The following PDE1A variants were observed in gnomAD, a reference collection of about 807,000 sequenced individuals.
PDE1A encodes the protein phosphodiesterase 1A.
A neutral mutation model predicts 61.7 loss-of-function variants in PDE1A; 35 were observed. That is an observed-to-expected ratio of 0.57 (90% CI 0.43 to 0.75). The LOEUF is 0.75. PDE1A is among the 30% of genes least tolerant of loss of function. The probability of loss-of-function intolerance (pLI) is 0.00; values close to 1 mark genes in which losing one functional copy is unlikely to be tolerated. For synonymous variants in PDE1A, 232 were observed against 213.2 expected (o/e 1.09, Z -0.77); for missense variants, 597 against 630.6 (o/e 0.95, Z 0.57).
rs115689819 is a variant in PDE1A, at chr2:182,187,511, G to C, written c.1208-923C>G. ...AATATAGGAGAATAGCTGGAGGTAG[G>C]CTTTTTAAGTGATAATGTCCTGTAA... On this transcript the variant is annotated intron_variant, in intron 11 of 13. Transcript: ENST00000351439. Among the ~76,000 whole-genome samples, 6 of 152,144 alleles carry C rather than the reference G, an allele frequency of 3.9e-5. No homozygotes were observed. The South Asian group carries it at 1.2e-3, about 32-fold the overall frequency.
At chr2:182,697,219 A>G in the PDE1A span, among the ~76,000 whole-genome samples, 20 of 152,152 alleles carry the variant, frequency 1.3e-4, no homozygotes, top group African/African-American at 3.9e-4. Context: ...AGGCAGGAGC[A>G]CTCAACGGCA....
At chr2:182,649,528 G>A in the PDE1A span, among the ~76,000 whole-genome samples, 21 of 151,704 alleles carry the variant, frequency 1.4e-4, no homozygotes, top group African/African-American at 4.8e-4. Context: ...CCAGCACTTT[G>A]GGAGGCCAAG....
the PDE1A span, among the ~76,000 whole-genome samples, chr2:182,611,007 C>T: frequency 6.6e-6 from 1 of 152,168 alleles, no homozygotes; most frequent in Non-Finnish European, 1.5e-5. Context: ...TTTGACTCCT[C>T]ATTTGTCGTC....
chr2:182,628,782 G>C, the PDE1A span, among the ~76,000 whole-genome samples: 2 of 151,792 alleles, frequency 1.3e-5, no homozygotes, highest in East Asian at 1.9e-4. Context: ...TTCATTGTTT[G>C]CTTGGCCATC....
chr2:182,683,522 A>G, the PDE1A span, among the ~76,000 whole-genome samples: 763 of 152,342 alleles, frequency 5.0e-3, 11 homozygotes, highest in African/African-American at 0.018. Flanking sequence ...AGTATGGGAA[A>G]AAGACAAGTA....
chr2:182,669,861 G>T, the PDE1A span, among the ~76,000 whole-genome samples: 1 of 152,214 alleles, frequency 6.6e-6, no homozygotes, highest in Non-Finnish European at 1.5e-5. Context: ...TAAGGAATCC[G>T]GGAGTGGCCA....
intron 2 of PDE1A, among the ~76,000 whole-genome samples, chr2:182,503,450 T>C (rs996871760): frequency 1.3e-5 from 2 of 152,174 alleles, no homozygotes; most frequent in African/African-American, 4.8e-5. Flanking sequence ...GCTTGCTGGA[T>C]CTTGGGTCAT....
chr2:182,246,415 T>C (rs1339157698), intron 2 of PDE1A, among the ~76,000 whole-genome samples: 2 of 141,902 alleles, frequency 1.4e-5, no homozygotes, highest in Non-Finnish European at 3.1e-5. Flanking sequence ...CTTTTTTTTT[T>C]TTTTTTTTGA....
intron 2 of PDE1A, among the ~76,000 whole-genome samples, chr2:182,498,485 G>T (rs1688859487): frequency 6.6e-6 from 1 of 151,154 alleles, no homozygotes; most frequent in Admixed American, 6.6e-5. Flanking sequence ...AAAATTTCAG[G>T]CTTAATCCAA....
At chr2:182,514,281 T>C (rs1443500583) in intron 2 of PDE1A, among the ~76,000 whole-genome samples, 2 of 152,214 alleles carry the variant, frequency 1.3e-5, no homozygotes, top group Non-Finnish European at 2.9e-5. Context: ...TTCAATGTTA[T>C]TCCTATCAAA....
intron 1 of PDE1A, among the ~76,000 whole-genome samples, chr2:182,357,298 CAAAG>C (rs915854222): frequency 2.7e-5 from 4 of 149,988 alleles, no homozygotes; most frequent in African/African-American, 4.9e-5. Flanking sequence ...AACAAACAAA[CAAAG>C]AGAGAAATGG....
At chr2:182,588,073 G>A in the PDE1A span, among the ~76,000 whole-genome samples, 1 of 152,186 alleles carries the variant, frequency 6.6e-6, no homozygotes, top group Admixed American at 6.5e-5. Flanking sequence ...GAATGTGAAG[G>A]ATGAAAAATT....
chr2:182,451,777 C>T (rs1685540857), intron 2 of PDE1A, among the ~76,000 whole-genome samples: 1 of 152,078 alleles, frequency 6.6e-6, no homozygotes, highest in Non-Finnish European at 1.5e-5. Context: ...TACCGCTTCC[C>T]ATGCAGCTCT....
At chr2:182,627,086 T>TA in the PDE1A span, among the ~76,000 whole-genome samples, 3 of 27,582 alleles carry the variant, frequency 1.1e-4, no homozygotes, top group Non-Finnish European at 1.9e-4. Flanking sequence ...ATAATATAAA[T>TA]GATATATTAT....
chr2:182,604,512 G>GTAA, the PDE1A span, among the ~76,000 whole-genome samples: 1 of 152,150 alleles, frequency 6.6e-6, no homozygotes, highest in Non-Finnish European at 1.5e-5. Context: ...AATGACAAAA[G>GTAA]TAATCATTTG....
chr2:182,490,498 T>C (rs963114231), intron 2 of PDE1A, among the ~76,000 whole-genome samples: 6 of 152,288 alleles, frequency 3.9e-5, no homozygotes, highest in African/African-American at 1.2e-4. Context: ...GCCTCCCGAA[T>C]AGCTGAGATT....
chr2:182,557,106 C>T, the PDE1A span, among the ~76,000 whole-genome samples: 1 of 151,098 alleles, frequency 6.6e-6, no homozygotes, highest in African/African-American at 2.4e-5. Context: ...ACCAGCCTGG[C>T]CAACATGGCA....
the PDE1A span, among the ~76,000 whole-genome samples, chr2:182,630,519 TG>T: frequency 6.6e-6 from 1 of 151,126 alleles, no homozygotes; most frequent in African/African-American, 2.4e-5. Flanking sequence ...TGTTCTCACA[TG>T]GTAAGGCAAG....
In PDE1A at chr2:182,377,045, G is replaced by A. The variant is rs531772999; in HGVS notation, c.53+49533C>T. 9.8e-5 allele frequency among the ~76,000 whole-genome samples: 15 copies of A among 152,292 alleles called. No homozygotes were observed. In the East Asian group the frequency reaches 1.3e-3, roughly 14 times the overall value. ...GAGTACAATTCAAGATGAGATTTGGGTGGGGACATAGAGCCAAACCATATC... is the reference window on the plus strand; with the variant it reads ...GAGTACAATTCAAGATGAGATTTGGATGGGGACATAGAGCCAAACCATATC... On this transcript the variant is annotated intron_variant, in intron 1 of 13. Transcript: ENST00000351439.
Sources: gnomAD v4.1 joint callset for allele counts (sites outside exome capture counted in the v4.1 genomes callset) on GRCh38, gnomAD v4.1.1 for gene constraint, MANE v1.5 for transcripts, NCBI Gene and HGNC (gene_info 2026-07-23, HGNC 2026-07-21) for gene names.